SDHA: variants seen among roughly 807,000 people sequenced by gnomAD.
SDHA encodes the protein succinate dehydrogenase [ubiquinone] flavoprotein subunit, mitochondrial.
In SDHA, 48 loss-of-function variants were observed where a neutral mutation model predicts 78.4. That is an observed-to-expected ratio of 0.61 (90% confidence interval 0.49 to 0.78). The LOEUF is 0.78. Among genes scored for constraint, SDHA ranks in the 30% least tolerant of loss-of-function variants. The pLI, the probability that SDHA is intolerant of heterozygous loss-of-function variation, is 0.00. For missense variants in SDHA, 680 were observed against 892.7 expected (o/e 0.76, Z 3.04); for synonymous variants, 326 against 353.9 (o/e 0.92, Z 0.88).
intron 6 of SDHA, 144 bp from the exon 7 acceptor site, chr5:230,732 T>G: frequency 9.7e-7 from 1 of 1,033,464 alleles, no homozygotes. Context: ...GTGATATGTG[T>G]GGGGTGTGCG....
chr5:233,255 C>T (rs1200725894), intron 7 of SDHA, among the ~76,000 whole-genome samples: 7 of 152,272 alleles, frequency 4.6e-5, no homozygotes, highest in South Asian at 4.1e-4. Context: ...TCTCTGGGGA[C>T]ACCGCTCTGC....
intron 6 of SDHA, among the ~76,000 whole-genome samples, chr5:229,752 C>T (rs1735267856): frequency 6.7e-6 from 1 of 149,092 alleles, no homozygotes; most frequent in Non-Finnish European, 1.5e-5. Flanking sequence ...TAACATTATA[C>T]AGCATGGTGG....
intron 11 of SDHA, among the ~76,000 whole-genome samples, chr5:246,575 AT>A (rs1255301357): frequency 2.0e-5 from 3 of 152,256 alleles, no homozygotes; most frequent in Non-Finnish European, 4.4e-5. Flanking sequence ...AAGGCTCTAG[AT>A]TTGCTAATTT....
At chr5:245,473 A>C (rs549535839) in intron 11 of SDHA, among the ~76,000 whole-genome samples, 12 of 152,346 alleles carry the variant, frequency 7.9e-5, no homozygotes, top group African/African-American at 2.9e-4. Context: ...CAGTCCAACG[A>C]TTTGCCAGAC....
chr5:246,258 C>A (rs1335191827), intron 11 of SDHA, among the ~76,000 whole-genome samples: 1 of 151,960 alleles, frequency 6.6e-6, no homozygotes, highest in Non-Finnish European at 1.5e-5. Flanking sequence ...GATCGAAAAG[C>A]AAGGCCATAA....
At chr5:222,977 TC>T (rs1734801695) in intron 1 of SDHA, among the ~76,000 whole-genome samples, 1 of 152,210 alleles carries the variant, frequency 6.6e-6, no homozygotes, top group South Asian at 2.1e-4. Flanking sequence ...CTTTTACTGT[TC>T]CAGGATACAG....
the SDHA span, among the ~76,000 whole-genome samples, chr5:268,090 A>T: frequency 6.6e-6 from 1 of 152,338 alleles, no homozygotes; most frequent in African/African-American, 2.4e-5. Flanking sequence ...CAGGGACTGC[A>T]GCTGCATAGT....
At chr5:264,292 G>T in the SDHA span, among the ~76,000 whole-genome samples, 1 of 152,214 alleles carries the variant, frequency 6.6e-6, no homozygotes, top group Non-Finnish European at 1.5e-5. Flanking sequence ...TGAAATGAAT[G>T]AATCTAAATT....
Position 236,538 on chromosome 5 carries a change from C to T in SDHA, c.1371C>T (p.Leu457=). 8 of 1,598,692 alleles carry T rather than the reference C, an allele frequency of 5.0e-6. No homozygotes were observed. The highest frequency in any genetic ancestry group is 6.9e-6 in the Non-Finnish European group (8 of 1,167,014). ...HGANRLGANS[L]LDLVVFGRAC... is the part of the protein sequence containing the mutation. ...CCAACCGCCTCGGGGCAAACTCGCT[C>T]TTGGACCTGGTTGTCTTTGGTCGGG... Residue 457 remains leucine (L), a synonymous_variant, in exon 10 of 15, where the codon CTC becomes CTT. Transcript: ENST00000264932.
chr5:228,799 C>G (rs1411216960), intron 6 of SDHA, among the ~76,000 whole-genome samples: 1 of 151,548 alleles, frequency 6.6e-6, no homozygotes, highest in Non-Finnish European at 1.5e-5. Flanking sequence ...TCAGTACAGC[C>G]AAACAAAAAA....
the SDHA span, among the ~76,000 whole-genome samples, chr5:262,221 C>T: frequency 3.9e-4 from 31 of 80,024 alleles, no homozygotes; most frequent in Non-Finnish European, 4.7e-4. Context: ...CTCCGCCTCC[C>T]GACAGAGCAT....
chr5:224,284 C>G (rs1734878886), intron 2 of SDHA, 76 bp from the exon 3 acceptor site: 3 of 1,477,788 alleles, frequency 2.0e-6, no homozygotes, highest in Admixed American at 1.7e-5. Flanking sequence ...CTTTGTCAAG[C>G]TCTTTCACTG....
chr5:261,728 A>G (rs1737488145), downstream of SDHA, among the ~76,000 whole-genome samples: 1 of 25,614 alleles, frequency 3.9e-5, no homozygotes, highest in Admixed American at 3.2e-4. Context: ...TTACCGTGTG[A>G]GCTCCGCCTC....
rs376391115 is a variant in SDHA at position 251,101 on chromosome 5, G to C, written c.1661G>C (p.Arg554Pro). The change falls in exon 12 of 15, where the codon CGG becomes CCG. Residue 554 changes from arginine (R) to proline (P), a missense_variant and splice_region_variant. Arg to Pro is a moderately radical substitution (Grantham distance 103). Coordinates refer to ENST00000264932, the MANE Select transcript of SDHA (RefSeq NM_004168.4). ...GDLKHLKTFD[R>P]GMVWNTDLVE... ...CTAAAGCACCTGAAGACGTTCGACC[G>C]GGGTGAGCAGACAGTGGGCTCTGTG... The C allele has an allele frequency of 6.2e-7, 1 of 1,611,472 alleles. No homozygotes were observed. The highest frequency in any genetic ancestry group is 2.2e-5 in the East Asian group (1 of 44,878).
the SDHA span, among the ~76,000 whole-genome samples, chr5:266,753 A>G: frequency 6.6e-6 from 1 of 152,248 alleles, no homozygotes; most frequent in Non-Finnish European, 1.5e-5. Context: ...CCCGTGCAGT[A>G]GACACCGTGG....
At chr5:265,193 C>A in the SDHA span, among the ~76,000 whole-genome samples, 1 of 152,014 alleles carries the variant, frequency 6.6e-6, no homozygotes, top group Non-Finnish European at 1.5e-5. Context: ...GCAACAGGAA[C>A]AAAACTCCAT....
intron 11 of SDHA, among the ~76,000 whole-genome samples, chr5:248,797 C>T (rs1240238680): frequency 1.3e-5 from 2 of 152,124 alleles, no homozygotes; most frequent in Non-Finnish European, 2.9e-5. Context: ...GTCTGCGTGC[C>T]ACGGCCACAC....
At chr5:237,791 G>A (rs1371063915) in intron 10 of SDHA, among the ~76,000 whole-genome samples, 5 of 136,816 alleles carry the variant, frequency 3.7e-5, no homozygotes, top group Non-Finnish European at 7.5e-5. Flanking sequence ...TTAGAAAGGT[G>A]CAGATAGTAT....
intron 3 of SDHA, among the ~76,000 whole-genome samples, 190 bp from the exon 4 acceptor site, chr5:225,229 G>A (rs981581497): frequency 5.9e-5 from 9 of 152,156 alleles, no homozygotes; most frequent in African/African-American, 1.9e-4. Context: ...GAATCACTGG[G>A]CGAGTCGGGG....
Sources: allele counts gnomAD v4.1 joint callset (sites outside exome capture counted in the v4.1 genomes callset), GRCh38; gene constraint gnomAD v4.1.1; transcripts MANE v1.5; gene names NCBI Gene and HGNC (gene_info 2026-07-23, HGNC 2026-07-21).